The following PKD1L1 variants were observed in gnomAD, a reference collection of about 807,000 sequenced individuals.
The protein encoded by PKD1L1 is polycystin-1-like protein 1.
In PKD1L1, 236 loss-of-function variants were observed where a neutral mutation model predicts 323.4. The ratio of observed to expected loss-of-function variants is 0.73; its 90% CI spans 0.66 to 0.81. The LOEUF (loss-of-function observed/expected upper bound fraction) is 0.81. Ranked by LOEUF, PKD1L1 falls within the 40% of genes least tolerant of loss-of-function variation. The probability of loss-of-function intolerance (pLI) is 0.00; values close to 1 mark genes in which losing one functional copy is unlikely to be tolerated. For synonymous variants in PKD1L1, 1,344 were observed against 1,335.0 expected (o/e 1.01, Z -0.15); for missense variants, 3,320 against 3,508.0 (o/e 0.95, Z 1.35).
chr7:47,853,058 T>C (rs944949062), intron 31 of PKD1L1, 69 bp downstream of exon 31: 17 of 1,051,062 alleles, frequency 1.6e-5, no homozygotes, highest in Non-Finnish European at 2.2e-5. Context: ...CCACTATACA[T>C]ACAAAGGTTA....
intron 56 of PKD1L1, among the ~76,000 whole-genome samples, chr7:47,783,191 CA>C (rs773738565): frequency 1.3e-5 from 2 of 151,366 alleles, no homozygotes; most frequent in Admixed American, 6.6e-5. Flanking sequence ...TTTAAAATAG[CA>C]AAAAAAATCA....
chr7:47,949,695 CTAGA>C (rs773726875), upstream of PKD1L1, among the ~76,000 whole-genome samples: 5 of 152,296 alleles, frequency 3.3e-5, no homozygotes, highest in African/African-American at 4.8e-5. Flanking sequence ...ACTCAGAACA[CTAGA>C]TATTTTTTCT....
chr7:47,817,608 C>T (rs1276195141), intron 46 of PKD1L1, among the ~76,000 whole-genome samples: 1 of 152,118 alleles, frequency 6.6e-6, no homozygotes, highest in Non-Finnish European at 1.5e-5. Context: ...GTGGCTCAGG[C>T]CTATAATCCT....
chr7:47,806,704 A>G (rs1784785843), intron 52 of PKD1L1, among the ~76,000 whole-genome samples: 1 of 152,256 alleles, frequency 6.6e-6, no homozygotes. Flanking sequence ...CCTGCAGAAC[A>G]GGTCCCTGGT....
At chr7:47,783,559 C>T (rs1023557758) in intron 56 of PKD1L1, among the ~76,000 whole-genome samples, 1 of 152,142 alleles carries the variant, frequency 6.6e-6, no homozygotes, top group African/African-American at 2.4e-5. Flanking sequence ...GATGATCAAG[C>T]TAAGATAAGG....
At chr7:47,948,353 T>G (rs1445188802) in intron 1 of PKD1L1, 44 bp downstream of exon 1, 1 of 1,610,638 alleles carries the variant, frequency 6.2e-7, no homozygotes, top group African/African-American at 1.3e-5. Flanking sequence ...ATGCATACTT[T>G]AAAATCAAGC....
intron 30 of PKD1L1, among the ~76,000 whole-genome samples, 165 bp from the exon 31 acceptor site, chr7:47,853,392 C>T (rs986356779): frequency 1.3e-5 from 2 of 152,108 alleles, no homozygotes; most frequent in African/African-American, 4.8e-5. Flanking sequence ...TCCACAACAC[C>T]ACCTGGTCTC....
intron 4 of PKD1L1, among the ~76,000 whole-genome samples, chr7:47,935,643 G>C (rs562023063): frequency 2.0e-5 from 3 of 152,328 alleles, no homozygotes; most frequent in East Asian, 3.9e-4. Flanking sequence ...TTTCCACCTA[G>C]GGGCTGAATC....
chr7:47,917,008 G>A (rs1787442981), intron 7 of PKD1L1, among the ~76,000 whole-genome samples: 1 of 152,118 alleles, frequency 6.6e-6, no homozygotes, highest in Admixed American at 6.5e-5. Flanking sequence ...AAGAATAGGA[G>A]GTTAGTTATT....
chr7:47,903,398 G>C (rs1439258984), intron 12 of PKD1L1, among the ~76,000 whole-genome samples: 1 of 152,176 alleles, frequency 6.6e-6, no homozygotes, highest in Non-Finnish European at 1.5e-5. Flanking sequence ...GGGCACAAAA[G>C]GGCTTCTGGA....
In PKD1L1 at chr7:47,796,363, G is replaced by A. The variant is rs80118185; in HGVS notation, c.8194-213C>T. Among the ~76,000 whole-genome samples the A allele has an allele frequency of 4.7e-3, 722 of 152,292 alleles. 8 individuals are homozygous for A. The highest frequency in any genetic ancestry group is 0.015 in the South Asian group (72 of 4,818). Reference sequence around the variant, plus strand: ...TGGCAGTAAGATGATCTCAGCAATGGAAATTCATTGTATTATAAAGGTTGT... The same window carrying A: ...TGGCAGTAAGATGATCTCAGCAATGAAAATTCATTGTATTATAAAGGTTGT... On this transcript the variant is annotated intron_variant, in intron 54 of 56. Coordinates refer to ENST00000289672, the MANE Select transcript of PKD1L1 (RefSeq NM_138295.5).
intron 30 of PKD1L1, among the ~76,000 whole-genome samples, 194 bp from the exon 31 acceptor site, chr7:47,853,421 T>C (rs976941722): frequency 1.3e-5 from 2 of 152,054 alleles, no homozygotes; most frequent in Admixed American, 1.3e-4. Context: ...AACTCCTACA[T>C]AACACTTTCA....
chr7:47,927,161 A>G (rs1475007511), intron 7 of PKD1L1, among the ~76,000 whole-genome samples: 1 of 152,200 alleles, frequency 6.6e-6, no homozygotes, highest in Non-Finnish European at 1.5e-5. Context: ...AAACCATGAA[A>G]AAAAGGTTGA....
chr7:47,878,928 CAT>C (rs2128746044), intron 21 of PKD1L1, among the ~76,000 whole-genome samples: 1 of 152,338 alleles, frequency 6.6e-6, no homozygotes, highest in South Asian at 2.1e-4. Flanking sequence ...GAGAGACTCT[CAT>C]GTGTCTCCTG....
intron 26 of PKD1L1, among the ~76,000 whole-genome samples, chr7:47,864,698 CTCCCT>C (rs1411243174): frequency 1.2e-4 from 17 of 141,122 alleles, no homozygotes; most frequent in African/African-American, 4.0e-4. Context: ...CTCCCCTCCC[CTCCCT>C]TCCCTTCCCT....
upstream of PKD1L1, chr7:47,948,476 C>T (rs1388775617): frequency 1.2e-6 from 2 of 1,608,768 alleles, no homozygotes; most frequent in African/African-American, 2.7e-5. Flanking sequence ...TGACAGTCAG[C>T]AGACCAGCTT....
intron 7 of PKD1L1, among the ~76,000 whole-genome samples, chr7:47,915,971 C>T (rs932709584): frequency 8.5e-5 from 13 of 152,092 alleles, no homozygotes; most frequent in African/African-American, 2.2e-4. Context: ...GCTACTCCAA[C>T]GGCAGTAAGA....
At chr7:47,862,499 G>A (rs1158146316) in intron 26 of PKD1L1, among the ~76,000 whole-genome samples, 1 of 152,218 alleles carries the variant, frequency 6.6e-6, no homozygotes, top group Non-Finnish European at 1.5e-5. Context: ...CTGTGGTGAA[G>A]AGGAAGATCC....
At chr7:47,806,460 G>A (rs1357194688) in intron 52 of PKD1L1, among the ~76,000 whole-genome samples, 2 of 152,186 alleles carry the variant, frequency 1.3e-5, no homozygotes, top group African/African-American at 4.8e-5. Context: ...AGTAGGAAGC[G>A]GGTTGACTAG....
Sources: allele counts gnomAD v4.1 joint callset (sites outside exome capture counted in the v4.1 genomes callset), GRCh38; gene constraint gnomAD v4.1.1; transcripts MANE v1.5; gene names NCBI Gene and HGNC (gene_info 2026-07-23, HGNC 2026-07-21).